Variants in FAM177B observed in about 807,000 individuals in gnomAD.
FAM177B encodes protein FAM177B.
In FAM177B, 16 loss-of-function variants were observed where a neutral mutation model predicts 16.1. The observed-to-expected ratio is 0.99, with a 90% CI of 0.67 to 1.51. The LOEUF (loss-of-function observed/expected upper bound fraction) is 1.51. Among genes scored for constraint, FAM177B ranks in the 40% most tolerant of loss-of-function variants. The pLI, the probability that FAM177B is intolerant of heterozygous loss-of-function variation, is 0.00. For missense variants in FAM177B, 178 were observed against 183.7 expected (o/e 0.97, Z 0.18); for synonymous variants, 56 against 59.9 (o/e 0.93, Z 0.30).
At chr1:222,748,110 A>G (rs1658882023) in intron 4 of FAM177B, among the ~76,000 whole-genome samples, 1 of 152,214 alleles carries the variant, frequency 6.6e-6, no homozygotes, top group African/African-American at 2.4e-5. Context: ...GGCAGATGGT[A>G]TGAACCTTCA....
At chr1:222,740,230 T>C (rs774355654) in intron 2 of FAM177B, among the ~76,000 whole-genome samples, 2 of 152,222 alleles carry the variant, frequency 1.3e-5, no homozygotes, top group Non-Finnish European at 2.9e-5. Flanking sequence ...TTTATTTTTA[T>C]ATATATAAGC....
At chr1:222,746,455 C>T (rs1405604764) in intron 2 of FAM177B, 76 bp from the exon 3 acceptor site, 30 of 768,308 alleles carry the variant, frequency 3.9e-5, no homozygotes, top group East Asian at 3.1e-4. Context: ...TCTGTCTTTA[C>T]TATCCATTGA....
chr1:222,744,226 T>A (rs1658681815), intron 2 of FAM177B, among the ~76,000 whole-genome samples: 1 of 152,134 alleles, frequency 6.6e-6, no homozygotes, highest in East Asian at 1.9e-4. Context: ...ATCCCAGCAC[T>A]TTGGGAGGCC....
intron 1 of FAM177B, 170 bp from the exon 2 acceptor site, chr1:222,737,734 T>G (rs1658345552): frequency 6.6e-6 from 1 of 152,214 alleles, no homozygotes; most frequent in African/African-American, 2.4e-5. Flanking sequence ...ACTTAGGATT[T>G]AACAATTCTG....
chr1:222,750,655 G>C lies in FAM177B; in HGVS notation c.*597G>C. 1.6e-6 allele frequency: 1 copy of C among 634,068 alleles called. No individual in the cohort carries two copies. The highest frequency in any genetic ancestry group is 2.0e-6 in the Non-Finnish European group (1 of 509,776). 39.3% of individuals were successfully genotyped at this position (634,068 alleles called of 1,614,324 possible). ...TTAAAACAATTGATAAATAATATAA[G>C]CTCTAGAAAAAAATATTAATGGATT... is the stretch of plus-strand genomic sequence containing the variant. On this transcript the variant is annotated 3_prime_UTR_variant, in exon 6 of 6. Coordinates refer to ENST00000445590, the MANE Select transcript of FAM177B (RefSeq NM_001394345.1).
Position 222,750,499 on chromosome 1 carries a change from T to G in FAM177B, c.*441T>G, listed in dbSNP as rs116693446. 2,004 of 989,846 alleles carry G rather than the reference T, an allele frequency of 2.0e-3. 22 individuals carry two copies. In the African/African-American group the frequency reaches 0.031, roughly 15 times the overall value. The allele number at this position is 989,846 out of a possible 1,614,324, so 61.3% of individuals were successfully genotyped here. The stretch of plus-strand genomic sequence containing the variant: ...GTCTAAATAAATCCCCTTTCAGGAT[T>G]TGATATAGTGTGTACTTCCAACAAC... On this transcript the variant is annotated 3_prime_UTR_variant, in exon 6 of 6. Transcript: ENST00000445590.
chr1:222,750,274 C>T lies in FAM177B; in HGVS notation c.*216C>T. The T allele has an allele frequency of 7.4e-7, 1 of 1,357,888 alleles. No individual in the cohort carries two copies. The highest frequency in any genetic ancestry group is 9.4e-7 in the Non-Finnish European group (1 of 1,059,854). The allele number at this position is 1,357,888 out of a possible 1,614,324, so 84.1% of individuals were successfully genotyped here. A position where few individuals can be genotyped will look rare whatever the true frequency, so the allele number is the denominator to read the frequency against. ...ATGAGAGTAATTTTGGACACTTTCT[C>T]AGAATAATTTCTATATTCAAGCCAC... is the stretch of plus-strand genomic sequence containing the variant. On this transcript the variant is annotated 3_prime_UTR_variant, in exon 6 of 6. Transcript: ENST00000445590.
rs1659008465 is a variant in FAM177B, at chr1:222,750,603, T to G, written c.*545T>G. 1 of 914,360 alleles carries G rather than the reference T, an allele frequency of 1.1e-6. No homozygotes were observed. Among genetic ancestry groups the G allele is most frequent in the Non-Finnish European group, 1.3e-6 (1 of 765,352 alleles). 56.6% of individuals were successfully genotyped at this position (914,360 alleles called of 1,614,324 possible). On this transcript the variant is annotated 3_prime_UTR_variant, in exon 6 of 6. Transcript: ENST00000445590. ...GTGTTACAAGATCATTATCAAGATC[T>G]TTAAGAATTAGGTACATCCCTCCAA...
chr1:222,741,928 C>CTCTCTCTT (rs1553304203), intron 2 of FAM177B, among the ~76,000 whole-genome samples: 10 of 84,718 alleles, frequency 1.2e-4, no homozygotes, highest in African/African-American at 5.6e-4. Context: ...CTCTCTCTCT[C>CTCTCTCTT]TCTTTCTTTC....
In FAM177B at chr1:222,750,726, C is replaced by T. The variant is rs769037412; in HGVS notation, c.*668C>T. ...AGAAATTTTCAAAACCTGGAAAGAT[C>T]GAACATGGAAATCATTGTTAGATAA... is the stretch of plus-strand genomic sequence containing the variant. On this transcript the variant is annotated 3_prime_UTR_variant, in exon 6 of 6. Coordinates refer to ENST00000445590, the MANE Select transcript of FAM177B (RefSeq NM_001394345.1). The T allele has an allele frequency of 2.9e-5, 10 of 345,288 alleles. No individual in the cohort carries two copies. The highest frequency in any genetic ancestry group is 3.7e-5 in the Non-Finnish European group (9 of 245,886). 21.4% of individuals were successfully genotyped at this position (345,288 alleles called of 1,614,324 possible).
At position 222,750,034 on chromosome 1, in the gene FAM177B, T is replaced by C; in HGVS notation, c.453T>C (p.Asp151=). The C allele has an allele frequency of 6.2e-7, 1 of 1,613,786 alleles. No individual in the cohort carries two copies. The highest frequency in any genetic ancestry group is 8.5e-7 in the Non-Finnish European group (1 of 1,179,938). The part of the protein sequence containing the change: ...GVQEYGTIQQ[D]VTEAIPQ ...AAGAGTATGGAACCATACAACAGGA[T>C]GTGACAGAGGCCATTCCTCAGTGAA... The change falls in exon 6 of 6, where the codon GAT becomes GAC. Residue 151 remains aspartate, a synonymous_variant. Coordinates refer to ENST00000445590, the MANE Select transcript of FAM177B (RefSeq NM_001394345.1).
rs1290001862 is a variant in FAM177B, at chr1:222,746,387, A to G, written c.-15-144A>G. The G allele has an allele frequency of 2.1e-5, 10 of 486,798 alleles. 1 individual carries two copies. The highest frequency in any genetic ancestry group is 5.4e-4 in the Middle Eastern group (1 of 1,862). The allele number at this position is 486,798 out of a possible 1,614,324, so 30.2% of individuals were successfully genotyped here. On this transcript the variant is annotated intron_variant, in intron 2 of 5. Transcript: ENST00000445590. The stretch of plus-strand genomic sequence containing the variant: ...CTTCCATTTTGGTACAGAATAGAAC[A>G]GTCCTTTTTTGGATTTGAGGAATCG...
In FAM177B at chr1:222,750,291, T is replaced by A; in HGVS notation, c.*233T>A. ...CACTTTCTCAGAATAATTTCTATAT[T>A]CAAGCCACCCCACCTCAACTCCACC... is the stretch of plus-strand genomic sequence containing the variant. On this transcript the variant is annotated 3_prime_UTR_variant, in exon 6 of 6. Transcript: ENST00000445590. The A allele has an allele frequency of 7.6e-7, 1 of 1,324,358 alleles. No homozygotes were observed. 82.0% of individuals were successfully genotyped at this position (1,324,358 alleles called of 1,614,324 possible). A position where few individuals can be genotyped will look rare whatever the true frequency, so the allele number is the denominator to read the frequency against.
In FAM177B at chr1:222,749,233, A is replaced by AAAT; in HGVS notation, c.242-230_242-228dup. ...CTCTCCTGATATATACATCTGGAAAAAATAGTTTATATATAATCCCATATA... is the reference window on the plus strand; with the variant it reads ...CTCTCCTGATATATACATCTGGAAAAAATAATAGTTTATATATAATCCCATATA... On this transcript the variant is annotated intron_variant, in intron 4 of 5. Transcript: ENST00000445590. 1.2e-5 allele frequency: 6 copies of AAAT among 487,184 alleles called. 1 individual carries two copies. In the South Asian group the frequency reaches 1.4e-4, roughly 12 times the overall value. The allele number at this position is 487,184 out of a possible 1,614,324, so 30.2% of individuals were successfully genotyped here. A position where few individuals can be genotyped will look rare whatever the true frequency, so the allele number is the denominator to read the frequency against.
rs1280172432 is a variant in FAM177B at position 222,746,722 on chromosome 1, A to C, written c.174+3A>C. ...GCACAAATTCAACACTTGACCCTGTAAGCTTAGTATATCAATATTAGGGAA... is the reference window on the plus strand; with the variant it reads ...GCACAAATTCAACACTTGACCCTGTCAGCTTAGTATATCAATATTAGGGAA... On this transcript the variant is annotated splice_donor_region_variant and intron_variant, in intron 3 of 5. Transcript: ENST00000445590. 5.0e-6 allele frequency: 8 copies of C among 1,604,228 alleles called. No individual in the cohort carries two copies. The highest frequency in any genetic ancestry group is 6.8e-6 in the Non-Finnish European group (8 of 1,173,836).
At chr1:222,745,901 CA>C (rs1658774310) in intron 2 of FAM177B, among the ~76,000 whole-genome samples, 1 of 151,976 alleles carries the variant, frequency 6.6e-6, no homozygotes. Flanking sequence ...GCAACAAGAG[CA>C]AAAAAGTCTG....
chr1:222,742,817 T>G (rs568201625), intron 2 of FAM177B, among the ~76,000 whole-genome samples: 8 of 149,984 alleles, frequency 5.3e-5, no homozygotes, highest in African/African-American at 2.0e-4. Context: ...ATTTTTTTTT[T>G]CTGCAATTTG....
In FAM177B at chr1:222,741,842, T is replaced by TTTCC. The variant is rs374563470; in HGVS notation, c.-16+3836_-16+3839dup. ...TTCTTTCTTTTTTCTTTCTTTCTTTTTTCCTTCCTTCCTTCCTTTCTTCTT... is the reference window on the plus strand; with the variant it reads ...TTCTTTCTTTTTTCTTTCTTTCTTTTTTCCTTCCTTCCTTCCTTCCTTTCTTCTT... On this transcript the variant is annotated intron_variant, in intron 2 of 5. Coordinates refer to ENST00000445590, the MANE Select transcript of FAM177B (RefSeq NM_001394345.1). Among the ~76,000 whole-genome samples the TTTCC allele has an allele frequency of 5.3e-4, 77 of 144,880 alleles. 1 individual carries two copies. Among genetic ancestry groups the TTTCC allele is most frequent in the Non-Finnish European group, 9.3e-4 (62 of 66,664 alleles).
rs1658806002 is a variant in FAM177B at position 222,746,579 on chromosome 1, G to C, written c.34G>C (p.Glu12Gln). 1 of 1,610,206 alleles carries C rather than the reference G, an allele frequency of 6.2e-7. No individual in the cohort carries two copies. The highest frequency in any genetic ancestry group is 1.3e-5 in the African/African-American group (1 of 74,980). ...EIDGFQQLDL[E>Q]KSVPSKKTTP... The stretch of plus-strand genomic sequence containing the variant: ...TGACGGTTTCCAGCAGTTAGACCTA[G>C]AGAAGAGTGTACCTTCCAAAAAGAC... Residue 12 changes from glutamate to glutamine, a missense_variant, in exon 3 of 6, where the codon GAG becomes CAG. Transcript: ENST00000445590.
Sources: gnomAD v4.1 joint callset for allele counts (sites outside exome capture counted in the v4.1 genomes callset) on GRCh38, gnomAD v4.1.1 for gene constraint, MANE v1.5 for transcripts, NCBI Gene and HGNC (gene_info 2026-07-23, HGNC 2026-07-21) for gene names.